Variants in DNAJC18 observed in about 807,000 individuals in gnomAD.
DNAJC18 encodes dnaJ homolog subfamily C member 18.
In DNAJC18, 40 loss-of-function variants were observed where a neutral mutation model predicts 48.6. That is an observed-to-expected ratio of 0.82 (90% CI 0.64 to 1.07). The LOEUF is 1.07. Ranked by LOEUF, DNAJC18 falls within the 50% of genes least tolerant of loss-of-function variation. The pLI is 0.00. For missense variants in DNAJC18, 340 were observed against 427.7 expected, an observed-to-expected ratio of 0.79 and a Z score of 1.81; for synonymous variants, 135 against 152.2, an observed-to-expected ratio of 0.89 and a Z score of 0.83.
chr5:139,419,681 G>A (rs1170318593), intron 7 of DNAJC18, among the ~76,000 whole-genome samples: 1 of 152,152 alleles, frequency 6.6e-6, no homozygotes, highest in Non-Finnish European at 1.5e-5. Context: ...GATAAGCAGG[G>A]TGGCAACCAC....
intron 2 of DNAJC18, among the ~76,000 whole-genome samples, chr5:139,432,220 G>A (rs1267143351): frequency 6.6e-6 from 1 of 150,612 alleles, no homozygotes; most frequent in Non-Finnish European, 1.5e-5. Flanking sequence ...GCTGGAGTGC[G>A]ATGGCATGTT....
chr5:139,419,291 C>G, intron 7 of DNAJC18: 4 of 371,842 alleles, frequency 1.1e-5, no homozygotes, highest in Middle Eastern at 9.2e-4. Flanking sequence ...TTGGCTGAGA[C>G]GGGGCTACCC....
intron 7 of DNAJC18, among the ~76,000 whole-genome samples, chr5:139,415,985 T>C (rs957727671): frequency 6.6e-6 from 1 of 152,200 alleles, no homozygotes; most frequent in African/African-American, 2.4e-5. Flanking sequence ...ACTGCTTTTC[T>C]CAAAATATCA....
At chr5:139,437,081 T>C (rs1216724845) in intron 2 of DNAJC18, among the ~76,000 whole-genome samples, 1 of 152,226 alleles carries the variant, frequency 6.6e-6, no homozygotes, top group Non-Finnish European at 1.5e-5. Context: ...GAATATTCTA[T>C]GTATCCTTAA....
At chr5:139,435,761 C>G (rs1390720850) in intron 2 of DNAJC18, among the ~76,000 whole-genome samples, 1 of 119,330 alleles carries the variant, frequency 8.4e-6, no homozygotes, top group African/African-American at 3.1e-5. Flanking sequence ...GTCACCCAGA[C>G]TAGAGTGCAG....
chr5:139,437,504 C>T lies in DNAJC18; in HGVS notation c.95G>A (p.Ser32Asn), dbSNP rs751950917. ...GTTACAGCAGCCACAGGGGTCATGA[C>T]TCTCAGGAGGTGTGTCTTCTGGGTA... ...NKYPEDTPPE[S>N]HDPCGCCNCM... Residue 32 changes from serine to asparagine, a missense_variant, in exon 2 of 8, where the codon AGT becomes AAT. Coordinates refer to ENST00000302060, the MANE Select transcript of DNAJC18 (RefSeq NM_152686.4). The T allele has an allele frequency of 6.2e-7, 1 of 1,614,108 alleles. No homozygotes were observed. Among genetic ancestry groups the T allele is most frequent in the Non-Finnish European group, 8.5e-7 (1 of 1,180,010 alleles).
At chr5:139,425,810 TG>T (rs1258822416) in intron 4 of DNAJC18, among the ~76,000 whole-genome samples, 1 of 152,202 alleles carries the variant, frequency 6.6e-6, no homozygotes, top group East Asian at 1.9e-4. Flanking sequence ...TCCAACTTGC[TG>T]GGGGGTACTT....
At chr5:139,423,390 CT>C (rs34518006) in intron 5 of DNAJC18, among the ~76,000 whole-genome samples, 77,722 of 139,818 alleles carry the variant, frequency 0.56, 22,847 homozygotes, top group Non-Finnish European at 0.69. Flanking sequence ...TTTGGATTTC[CT>C]TTTTTTTTTT....
At chr5:139,435,705 GTTTTTTTTT>G (rs377125785) in intron 2 of DNAJC18, among the ~76,000 whole-genome samples, 24 of 41,192 alleles carry the variant, frequency 5.8e-4, no homozygotes, top group Middle Eastern at 0.071. Context: ...TTCATTGGAA[GTTTTTTTTT>G]TTTTTTTTTT....
At chr5:139,416,935 T>A (rs1759077174) in intron 7 of DNAJC18, among the ~76,000 whole-genome samples, 1 of 152,202 alleles carries the variant, frequency 6.6e-6, no homozygotes, top group Non-Finnish European at 1.5e-5. Flanking sequence ...ACGCCTGTAA[T>A]CCCAGCACTT....
chr5:139,422,654 A>T, intron 6 of DNAJC18, 54 bp downstream of exon 6: 2 of 1,327,724 alleles, frequency 1.5e-6, no homozygotes, highest in Non-Finnish European at 2.1e-6. Flanking sequence ...CAAAACCTTC[A>T]AGTCTTTCAC....
rs141641370 is a variant in DNAJC18 at position 139,426,014 on chromosome 5, G to A, written c.559+158C>T. Among the ~76,000 whole-genome samples, 347 of 152,272 alleles carry A rather than the reference G, an allele frequency of 2.3e-3. 2 individuals are homozygous for A. The highest frequency in any genetic ancestry group is 9.5e-3 in the East Asian group (49 of 5,184). On this transcript the variant is annotated intron_variant, in intron 4 of 7. Transcript: ENST00000302060. Reference sequence around the variant, plus strand: ...GATTTGGTCAAAATTATGCACAGCTGGGGGCTGGAGACTTGCCTCAAACTC... The same window carrying A: ...GATTTGGTCAAAATTATGCACAGCTAGGGGCTGGAGACTTGCCTCAAACTC...
At chr5:139,416,842 C>T (rs748467933) in intron 7 of DNAJC18, among the ~76,000 whole-genome samples, 15 of 152,166 alleles carry the variant, frequency 9.9e-5, no homozygotes, top group South Asian at 2.1e-4. Context: ...GATGCAGCTG[C>T]GAAGAAGTAA....
At chr5:139,421,500 C>T (rs1269140246) in intron 6 of DNAJC18, among the ~76,000 whole-genome samples, 1 of 151,738 alleles carries the variant, frequency 6.6e-6, no homozygotes, top group Non-Finnish European at 1.5e-5. Context: ...GCCTCAGCTT[C>T]GCTCTCTGTA....
intron 2 of DNAJC18, among the ~76,000 whole-genome samples, chr5:139,433,398 C>T (rs1455632895): frequency 1.3e-5 from 2 of 149,282 alleles, no homozygotes; most frequent in African/African-American, 2.5e-5. Context: ...GAGCCAAGAT[C>T]GTGCCACTGC....
At position 139,437,391 on chromosome 5, in the gene DNAJC18, G is replaced by T. The variant is rs370184463; in HGVS notation, c.208C>A (p.Gln70Lys). ...GEGNSTYSEE[Q>K]LLGVQRIKKC... ...GCTCACCTTTGTACCCCAAGCAGCT[G>T]TTCCTCACTATACGTGGAGTTCCCC... The change falls in exon 2 of 8, where the codon CAG becomes AAG. Residue 70 changes from glutamine (Q) to lysine (K), a missense_variant. Coordinates refer to ENST00000302060, the MANE Select transcript of DNAJC18 (RefSeq NM_152686.4). The T allele has an allele frequency of 4.2e-5, 68 of 1,611,786 alleles. No homozygotes were observed. The East Asian group carries it at 1.1e-3, about 26-fold the overall frequency.
At chr5:139,423,512 C>T (rs1759186436) in intron 5 of DNAJC18, among the ~76,000 whole-genome samples, 1 of 151,844 alleles carries the variant, frequency 6.6e-6, no homozygotes, top group African/African-American at 2.4e-5. Flanking sequence ...GCCTCAGCCT[C>T]CTGAGAAGCT....
At chr5:139,430,924 T>C (rs748555691) in intron 2 of DNAJC18, among the ~76,000 whole-genome samples, 3 of 152,312 alleles carry the variant, frequency 2.0e-5, no homozygotes, top group Non-Finnish European at 4.4e-5. Flanking sequence ...ATGTATAATA[T>C]ATACATTACC....
rs1025377676 is a variant in DNAJC18, at chr5:139,424,855, G to A, written c.669+150C>T. On this transcript the variant is annotated intron_variant, in intron 5 of 7. Transcript: ENST00000302060. ...TCTGCCTATTTAGGCCAATTTTCCA[G>A]CTCTTCTAACCATTGCTTTTGCTTT... 3 of 605,444 alleles carry A rather than the reference G, an allele frequency of 5.0e-6. No homozygotes were observed. In the African/African-American group the frequency reaches 5.7e-5, roughly 12 times the overall value. 37.5% of individuals were successfully genotyped at this position (605,444 alleles called of 1,614,324 possible).
Sources: gnomAD v4.1 joint callset for allele counts (sites outside exome capture counted in the v4.1 genomes callset) on GRCh38, gnomAD v4.1.1 for gene constraint, MANE v1.5 for transcripts, NCBI Gene and HGNC (gene_info 2026-07-23, HGNC 2026-07-21) for gene names.